Variants in ARV1 observed in about 807,000 individuals in gnomAD.
The protein encoded by ARV1 is ARV1 fatty acid homeostasis modulator.
ARV1 carries 26 observed loss-of-function variants against 31.1 expected under a neutral mutation model. The observed-to-expected ratio is 0.84, with a 90% confidence interval of 0.61 to 1.16. The LOEUF (loss-of-function observed/expected upper bound fraction) is 1.16, where lower values mean the gene tolerates loss of function less well. Ranked by LOEUF, ARV1 falls within the 50% of genes most tolerant of loss-of-function variation. The pLI, the probability that ARV1 is intolerant of heterozygous loss-of-function variation, is 0.00. For missense variants in ARV1, 281 were observed against 324.9 expected (o/e 0.86, Z 1.04); for synonymous variants, 117 against 123.2 (o/e 0.95, Z 0.34).
At chr1:230,985,044 A>G (rs184356297) in intron 1 of ARV1, among the ~76,000 whole-genome samples, 4 of 152,326 alleles carry the variant, frequency 2.6e-5, no homozygotes, top group Non-Finnish European at 5.9e-5. Context: ...CGGCCTTCCC[A>G]GCTAGAGAGA....
intron 1 of ARV1, among the ~76,000 whole-genome samples, chr1:230,986,669 T>C (rs1224824954): frequency 1.3e-4 from 1 of 7,452 alleles, no homozygotes; most frequent in South Asian, 5.0e-3. Flanking sequence ...ACTTTTCCTA[T>C]TTTTTTTTTT....
chr1:230,980,440 A>C (rs1334065136), intron 1 of ARV1, among the ~76,000 whole-genome samples: 1 of 151,830 alleles, frequency 6.6e-6, no homozygotes, highest in Admixed American at 6.6e-5. Flanking sequence ...AAGTTCAAGC[A>C]ATTCTCCTGC....
intron 5 of ARV1, among the ~76,000 whole-genome samples, chr1:230,998,068 T>C (rs140264846): frequency 6.6e-6 from 1 of 152,332 alleles, no homozygotes; most frequent in Non-Finnish European, 1.5e-5. Flanking sequence ...TCCTCATTCT[T>C]TCCTCCTTCT....
intron 1 of ARV1, among the ~76,000 whole-genome samples, chr1:230,982,848 A>G (rs1291871599): frequency 6.6e-6 from 1 of 152,208 alleles, no homozygotes; most frequent in African/African-American, 2.4e-5. Flanking sequence ...ATGTGTTGTG[A>G]CATAATCTCC....
At chr1:230,984,361 T>TGTGTGTGCGC (rs10628275) in intron 1 of ARV1, among the ~76,000 whole-genome samples, 174 of 103,398 alleles carry the variant, frequency 1.7e-3, no homozygotes, top group African/African-American at 7.8e-3. Flanking sequence ...TGTGTGTGTG[T>TGTGTGTGCGC]GCGTGTGTGT....
At chr1:230,979,529 G>T in intron 1 of ARV1, 1 of 472,248 alleles carries the variant, frequency 2.1e-6, no homozygotes, top group Non-Finnish European at 3.7e-6. Context: ...GGTAGATGTG[G>T]GCATTTTGCA....
chr1:230,991,457 T>C (rs1679224960), intron 3 of ARV1, among the ~76,000 whole-genome samples: 1 of 152,144 alleles, frequency 6.6e-6, no homozygotes, highest in South Asian at 2.1e-4. Flanking sequence ...ATACCCATAA[T>C]TGAGCTCCTC....
chr1:230,996,110 A>C (rs1679358848), intron 4 of ARV1, 126 bp downstream of exon 4: 1 of 698,232 alleles, frequency 1.4e-6, no homozygotes, highest in Non-Finnish European at 2.4e-6. Flanking sequence ...TAGTAATAAT[A>C]CCTAACACTT....
chr1:230,997,000 A>G (rs1235253336), intron 4 of ARV1, 121 bp from the exon 5 acceptor site: 1 of 1,230,384 alleles, frequency 8.1e-7, no homozygotes, highest in Non-Finnish European at 1.1e-6. Flanking sequence ...GCATAGATTA[A>G]TAAGAACAAA....
At chr1:230,979,690 A>T (rs1206946819) in intron 1 of ARV1, among the ~76,000 whole-genome samples, 1 of 152,170 alleles carries the variant, frequency 6.6e-6, no homozygotes, top group East Asian at 1.9e-4. Context: ...AGGTTTCATC[A>T]ATTGTCGTTA....
intron 3 of ARV1, among the ~76,000 whole-genome samples, chr1:230,994,564 C>T (rs1440237786): frequency 6.0e-5 from 8 of 133,012 alleles, no homozygotes; most frequent in South Asian, 2.4e-4. Context: ...TTTTTTGAGA[C>T]GGAGTCTCGC....
At position 230,995,740 on chromosome 1, in the gene ARV1, A is replaced by G; in HGVS notation, c.449-20A>G. On this transcript the variant is annotated intron_variant, in intron 3 of 5. Transcript: ENST00000310256. Reference sequence around the variant, plus strand: ...TTTGGATGGGGACATTCATACTTTTATTTTCCATTTCTTCTTTAGAACAAA... The same window carrying G: ...TTTGGATGGGGACATTCATACTTTTGTTTTCCATTTCTTCTTTAGAACAAA... 6.3e-7 allele frequency: 1 copy of G among 1,583,682 alleles called. No homozygotes were observed. The highest frequency in any genetic ancestry group is 8.6e-7 in the Non-Finnish European group (1 of 1,156,480).
chr1:230,988,897 A>G lies in ARV1; in HGVS notation c.294+458A>G, dbSNP rs540595482. Among the ~76,000 whole-genome samples, 8 of 152,320 alleles carry G rather than the reference A, an allele frequency of 5.3e-5. No homozygotes were observed. In the South Asian group the frequency reaches 1.4e-3, roughly 28 times the overall value. On this transcript the variant is annotated intron_variant, in intron 2 of 5. Transcript: ENST00000310256. ...AACATTCAGTTTAATCAAAGTCCTG[A>G]TTTATAAAGTTGAATTTTTCAAAAT...
At chr1:230,983,794 A>G (rs1399468744) in intron 1 of ARV1, among the ~76,000 whole-genome samples, 1 of 152,242 alleles carries the variant, frequency 6.6e-6, no homozygotes, top group Non-Finnish European at 1.5e-5. Context: ...ATGTTTAGAC[A>G]GGTGATGGAA....
chr1:230,993,708 A>G (rs1253423758), intron 3 of ARV1, among the ~76,000 whole-genome samples: 1 of 152,182 alleles, frequency 6.6e-6, no homozygotes, highest in Non-Finnish European at 1.5e-5. Flanking sequence ...CAGCCTGGGC[A>G]ACATGGCAAT....
intron 1 of ARV1, among the ~76,000 whole-genome samples, chr1:230,982,970 T>G (rs187725719): frequency 6.6e-6 from 1 of 152,216 alleles, no homozygotes; most frequent in East Asian, 1.9e-4. Context: ...CAATCTCCTT[T>G]CCTTTTGCTC....
chr1:230,988,665 C>G (rs2103049226), intron 2 of ARV1, among the ~76,000 whole-genome samples: 1 of 152,172 alleles, frequency 6.6e-6, no homozygotes, highest in African/African-American at 2.4e-5. Flanking sequence ...TGGTCACTGG[C>G]AGGAAACTGA....
intron 3 of ARV1, chr1:230,990,602 TG>T: frequency 3.3e-6 from 1 of 301,286 alleles, no homozygotes; most frequent in South Asian, 3.0e-5. Flanking sequence ...TTGCCTAGGC[TG>T]GAGTGCAGTG....
chr1:230,995,046 A>G (rs181437632), intron 3 of ARV1, among the ~76,000 whole-genome samples: 94 of 152,368 alleles, frequency 6.2e-4, no homozygotes, highest in African/African-American at 2.2e-3. Flanking sequence ...CTCAGAATGG[A>G]TACAGTTGGG....
Sources: allele counts gnomAD v4.1 joint callset (sites outside exome capture counted in the v4.1 genomes callset), GRCh38; gene constraint gnomAD v4.1.1; transcripts MANE v1.5; gene names NCBI Gene and HGNC (gene_info 2026-07-23, HGNC 2026-07-21).